PROCR: variants seen among roughly 807,000 people sequenced by gnomAD.
The protein encoded by PROCR is protein C receptor.
Under a neutral mutation model 24.2 loss-of-function variants are expected in PROCR, and 22 were observed. The ratio of observed to expected loss-of-function variants is 0.91; its 90% CI spans 0.65 to 1.30. The LOEUF is 1.30. PROCR is among the 50% of genes most tolerant of loss of function. The pLI, the probability that PROCR is intolerant of heterozygous loss-of-function variation, is 0.00. For synonymous variants in PROCR, 137 were observed against 139.2 expected (o/e 0.98, Z 0.11); for missense variants, 288 against 307.7 (o/e 0.94, Z 0.48).
intron 1 of PROCR, among the ~76,000 whole-genome samples, chr20:35,186,930 G>A (rs1275085596): frequency 2.0e-5 from 3 of 151,178 alleles, no homozygotes; most frequent in African/African-American, 7.3e-5. Context: ...TCCAGCCTGG[G>A]CAACAAAGCA....
chr20:35,215,186 CG>C (rs1270847659), intron 1 of PROCR, among the ~76,000 whole-genome samples: 1 of 152,202 alleles, frequency 6.6e-6, no homozygotes, highest in African/African-American at 2.4e-5. Context: ...GCTGGGATTA[CG>C]GGCGTGAGCC....
intron 1 of PROCR, among the ~76,000 whole-genome samples, chr20:35,182,455 A>G (rs2146153243): frequency 6.6e-6 from 1 of 152,274 alleles, no homozygotes; most frequent in African/African-American, 2.4e-5. Flanking sequence ...AAAACCCATA[A>G]ATGTTCACTA....
Position 35,174,952 on chromosome 20 carries a change from C to A in PROCR, c.321C>A (p.Ala107=). The A allele has an allele frequency of 7.7e-7, 1 of 1,298,256 alleles. No individual in the cohort carries two copies. The highest frequency in any genetic ancestry group is 5.1e-5 in the East Asian group (1 of 19,528). 80.4% of individuals were successfully genotyped at this position (1,298,256 alleles called of 1,614,324 possible). The change falls in exon 2 of 4, where the codon GCC becomes GCA. Residue 107 remains alanine (A), a splice_region_variant and synonymous_variant. Coordinates refer to ENST00000216968, the MANE Select transcript of PROCR (RefSeq NM_006404.5). ...TGGTGCACCAGGAGCGGACCTTGGCCTGTGAGTAGGCGCGCAGCGGGGGCG... is the reference window on the plus strand; with the variant it reads ...TGGTGCACCAGGAGCGGACCTTGGCATGTGAGTAGGCGCGCAGCGGGGGCG... ...VRLVHQERTL[A]FPLTIRCFLG... is the part of the protein sequence containing the mutation.
downstream of PROCR, among the ~76,000 whole-genome samples, chr20:35,178,518 T>TG (rs2086047753): frequency 6.0e-5 from 3 of 50,220 alleles, 1 homozygote; most frequent in Non-Finnish European, 1.1e-4. Context: ...TTTTTTTTTT[T>TG]TTTTTTTTTT....
At chr20:35,185,578 T>C (rs1480685890) in intron 1 of PROCR, among the ~76,000 whole-genome samples, 1 of 152,176 alleles carries the variant, frequency 6.6e-6, no homozygotes, top group South Asian at 2.1e-4. Context: ...ATTAACAGCA[T>C]TTGCAATGAC....
rs372789018 is a variant in PROCR, at chr20:35,214,310, C to CT, written c.95-1575dup. Among the ~76,000 whole-genome samples the CT allele has an allele frequency of 7.5e-3, 1,142 of 151,936 alleles. 10 individuals carry two copies. The highest frequency in any genetic ancestry group is 0.026 in the African/African-American group (1,093 of 41,460). ...AATATCCAGGATTCTGCACCTTTGCCTTTTTTTTACCACTTAACATTACAT... is the reference window on the plus strand; with the variant it reads ...AATATCCAGGATTCTGCACCTTTGCCTTTTTTTTTACCACTTAACATTACAT... On this transcript the variant is annotated intron_variant, in intron 1 of 1. Coordinates refer to the PROCR transcript ENST00000634509.
At chr20:35,207,114 T>C (rs946225524) in intron 1 of PROCR, among the ~76,000 whole-genome samples, 5 of 152,172 alleles carry the variant, frequency 3.3e-5, no homozygotes, top group African/African-American at 1.2e-4. Flanking sequence ...TATGGTTCCA[T>C]TTTATATGAC....
At chr20:35,176,027 C>G in intron 2 of PROCR, 141 bp from the exon 3 acceptor site, 1 of 972,262 alleles carries the variant, frequency 1.0e-6, no homozygotes, top group Non-Finnish European at 1.6e-6. Context: ...AGGCCCTTCT[C>G]CCCATAGTTC....
rs1434975195 is a variant in PROCR at position 35,176,258 on chromosome 20, G to C, written c.413G>C (p.Ser138Thr). 1 of 1,614,226 alleles carries C rather than the reference G, an allele frequency of 6.2e-7. No homozygotes were observed. Among genetic ancestry groups the C allele is most frequent in the South Asian group, 1.1e-5 (1 of 91,084 alleles). ...TTCTTCGAAGTGGCTGTGAATGGGA[G>C]CTCCTTTGTGAGTTTCCGGCCGGAG... ...HVFFEVAVNG[S>T]SFVSFRPERA... The change falls in exon 3 of 4, where the codon AGC becomes ACC. Residue 138 changes from serine to threonine, a missense_variant. Transcript: ENST00000216968.
chr20:35,192,528 G>T (rs1033414589), intron 1 of PROCR, among the ~76,000 whole-genome samples: 7 of 152,134 alleles, frequency 4.6e-5, no homozygotes, highest in Non-Finnish European at 7.3e-5. Context: ...TCTTTCTGCA[G>T]CTGCAGGCAT....
intron 1 of PROCR, among the ~76,000 whole-genome samples, chr20:35,197,956 G>C (rs1311291250): frequency 6.6e-6 from 1 of 151,848 alleles, no homozygotes; most frequent in Admixed American, 6.6e-5. Context: ...ACACCAAATG[G>C]TTAGCCGAGT....
intron 1 of PROCR, among the ~76,000 whole-genome samples, chr20:35,197,032 T>G (rs953432074): frequency 3.3e-5 from 5 of 152,210 alleles, no homozygotes; most frequent in Admixed American, 2.6e-4. Context: ...TGAAGGTTTA[T>G]GGGGCAAGTC....
chr20:35,180,605 C>T (rs76765994), downstream of PROCR, among the ~76,000 whole-genome samples: 100 of 152,012 alleles, frequency 6.6e-4, no homozygotes, highest in African/African-American at 2.4e-3. Flanking sequence ...AGCCCTACTT[C>T]TTCCCCCTGG....
intron 1 of PROCR, among the ~76,000 whole-genome samples, chr20:35,209,889 G>C (rs1287449079): frequency 6.6e-6 from 1 of 152,096 alleles, no homozygotes; most frequent in Admixed American, 6.5e-5. Context: ...TTGAACCAGT[G>C]GTCTTCATAG....
chr20:35,194,638 T>A (rs2146166508), intron 1 of PROCR, among the ~76,000 whole-genome samples: 1 of 152,346 alleles, frequency 6.6e-6, no homozygotes, highest in East Asian at 1.9e-4. Flanking sequence ...AAGTTGCACA[T>A]GTGCTTGGTA....
rs140612906 is a variant in PROCR at position 35,176,195 on chromosome 20, G to A, written c.350G>A (p.Gly117Asp). Residue 117 changes from glycine (G) to aspartate (D), a missense_variant, in exon 3 of 4, where the codon GGC (glycine) becomes GAC (aspartate). Physicochemically the swap from Gly to Asp is moderately conservative, Grantham distance 94 (BLOSUM62 -1). Coordinates refer to ENST00000216968, the MANE Select transcript of PROCR (RefSeq NM_006404.5). ...CCTCTGACCATCCGCTGCTTCCTGG[G>A]CTGTGAGCTGCCTCCCGAGGGCTCT... is the stretch of plus-strand genomic sequence containing the variant. Reference protein sequence around the residue: ...AFPLTIRCFLGCELPPEGSRA... With the variant: ...AFPLTIRCFLDCELPPEGSRA... The A allele has an allele frequency of 6.2e-7, 1 of 1,612,084 alleles. No homozygotes were observed. Among genetic ancestry groups the A allele is most frequent in the Non-Finnish European group, 8.5e-7 (1 of 1,179,174 alleles).
At chr20:35,190,297 C>T (rs2086162507) in intron 1 of PROCR, among the ~76,000 whole-genome samples, 1 of 152,150 alleles carries the variant, frequency 6.6e-6, no homozygotes. Context: ...ACTCGCAATG[C>T]AGGGATATTG....
intron 1 of PROCR, among the ~76,000 whole-genome samples, chr20:35,211,952 G>A (rs753647120): frequency 2.0e-5 from 3 of 152,094 alleles, no homozygotes; most frequent in Non-Finnish European, 4.4e-5. Context: ...AGGAGGCAGA[G>A]GTTGTAGTGA....
intron 1 of PROCR, among the ~76,000 whole-genome samples, chr20:35,211,328 T>C (rs2060362146): frequency 1.3e-5 from 2 of 152,138 alleles, no homozygotes; most frequent in South Asian, 4.1e-4. Flanking sequence ...GTGAAAGGTA[T>C]AAGGAGATTC....
Sources: gnomAD v4.1 joint callset for allele counts (sites outside exome capture counted in the v4.1 genomes callset) on GRCh38, gnomAD v4.1.1 for gene constraint, MANE v1.5 for transcripts, NCBI Gene and HGNC (gene_info 2026-07-23, HGNC 2026-07-21) for gene names.